TMPRSS2: variants seen among roughly 807,000 people sequenced by gnomAD.
TMPRSS2 encodes transmembrane protease serine 2.
In TMPRSS2, 59 loss-of-function variants were observed where a neutral mutation model predicts 67.4. The observed-to-expected ratio is 0.88, with a 90% confidence interval of 0.71 to 1.09. TMPRSS2 has a LOEUF of 1.09. Ranked by LOEUF, TMPRSS2 falls within the 50% of genes least tolerant of loss-of-function variation. TMPRSS2 has a pLI of 0.00. For missense variants in TMPRSS2, 668 were observed against 642.7 expected (o/e 1.04, Z -0.43); for synonymous variants, 257 against 257.0 (o/e 1.00, Z 0.00).
intron 9 of TMPRSS2, among the ~76,000 whole-genome samples, chr21:41,472,923 C>T (rs2091146971): frequency 6.6e-6 from 1 of 152,176 alleles, no homozygotes; most frequent in Non-Finnish European, 1.5e-5. Context: ...AACGCTTAAC[C>T]CCAGGGACCT....
chr21:41,471,810 G>GAA lies in TMPRSS2; in HGVS notation c.1069_1070dup (p.Asn358SerfsTer4), dbSNP rs751627256. ...CCAAGCCTGAGCCACACGTACCGTTGAAAGTCAGAGGCTTCTGCAGCTTCA... is the reference window on the plus strand; with the variant it reads ...CCAAGCCTGAGCCACACGTACCGTTGAAAAAGTCAGAGGCTTCTGCAGCTTCA... On this transcript the variant is annotated frameshift_variant, in exon 10 of 14. Coordinates refer to ENST00000332149, the MANE Select transcript of TMPRSS2 (RefSeq NM_005656.4). LOFTEE classifies it high-confidence loss of function. The GAA allele has an allele frequency of 2.5e-6, 4 of 1,597,544 alleles. No individual in the cohort carries two copies. In the African/African-American group the frequency reaches 5.4e-5, roughly 21 times the overall value.
intron 1 of TMPRSS2, chr21:41,506,696 C>G (rs955401288): frequency 6.6e-6 from 1 of 152,442 alleles, no homozygotes; most frequent in African/African-American, 2.4e-5. Context: ...TCAGGGGAGG[C>G]TGGCTGCATC....
Position 41,498,166 on chromosome 21 carries a change from G to C in TMPRSS2, c.-33C>G. The C allele has an allele frequency of 6.2e-7, 1 of 1,612,582 alleles. No individual in the cohort carries two copies. The highest frequency in any genetic ancestry group is 8.5e-7 in the Non-Finnish European group (1 of 1,178,892). ...TTATCAACAGCATCGAGTAATGATAGGTATCTGGAATGTTCAATATGACCT... is the reference window on the plus strand; with the variant it reads ...TTATCAACAGCATCGAGTAATGATACGTATCTGGAATGTTCAATATGACCT... On this transcript the variant is annotated 5_prime_UTR_variant, in exon 2 of 14. Coordinates refer to ENST00000332149, the MANE Select transcript of TMPRSS2 (RefSeq NM_005656.4).
intron 5 of TMPRSS2, among the ~76,000 whole-genome samples, chr21:41,485,492 T>C (rs915547857): frequency 1.3e-5 from 2 of 151,428 alleles, no homozygotes; most frequent in African/African-American, 4.9e-5. Flanking sequence ...CTACAAAAAA[T>C]ACAAAAATTA....
At chr21:41,501,500 T>C (rs573909495) in intron 1 of TMPRSS2, among the ~76,000 whole-genome samples, 6 of 150,626 alleles carry the variant, frequency 4.0e-5, no homozygotes, top group Admixed American at 2.0e-4. Context: ...TCCCAGCTAC[T>C]TGGGAGGCTG....
intron 2 of TMPRSS2, among the ~76,000 whole-genome samples, chr21:41,497,190 A>AT (rs1301350736): frequency 6.6e-6 from 1 of 152,160 alleles, no homozygotes; most frequent in African/African-American, 2.4e-5. Flanking sequence ...TTTGTACTCA[A>AT]TGGACAGGTG....
chr21:41,500,536 T>C (rs527964326), intron 1 of TMPRSS2, among the ~76,000 whole-genome samples: 1 of 152,314 alleles, frequency 6.6e-6, no homozygotes, highest in African/African-American at 2.4e-5. Flanking sequence ...CTGCCATGAA[T>C]GAAAATGAGT....
At chr21:41,494,756 A>G in intron 2 of TMPRSS2, 178 bp from the exon 3 acceptor site, 3 of 742,344 alleles carry the variant, frequency 4.0e-6, no homozygotes, top group Non-Finnish European at 6.9e-6. Flanking sequence ...GAGATTAATA[A>G]GAAAGTGACA....
Position 41,494,402 on chromosome 21 carries a change from G to T in TMPRSS2, c.192C>A (p.Val64=), listed in dbSNP as rs372804318. 1 of 1,611,150 alleles carries T rather than the reference G, an allele frequency of 6.2e-7. No individual in the cohort carries two copies. Among genetic ancestry groups the T allele is most frequent in the Non-Finnish European group, 8.5e-7 (1 of 1,179,270 alleles). ...ATGGGGATTTGGGCTGCGTGCAGACGACGGGGTTGGAAGCCTGCGTCAGGA... is the reference window on the plus strand; with the variant it reads ...ATGGGGATTTGGGCTGCGTGCAGACTACGGGGTTGGAAGCCTGCGTCAGGA... ...PRVLTQASNP[V]VCTQPKSPSG... Residue 64 remains valine, a synonymous_variant, in exon 3 of 14, where the codon GTC becomes GTA. Transcript: ENST00000332149.
intron 13 of TMPRSS2, among the ~76,000 whole-genome samples, chr21:41,466,996 C>A (rs2091090361): frequency 6.6e-6 from 1 of 152,178 alleles, no homozygotes; most frequent in Non-Finnish European, 1.5e-5. Flanking sequence ...CCTGGCTGCT[C>A]CTGCCCTTCC....
In TMPRSS2 at chr21:41,471,801, C is replaced by G. The variant is rs370927492; in HGVS notation, c.1075+5G>C. On this transcript the variant is annotated splice_donor_5th_base_variant and intron_variant, in intron 10 of 13. Coordinates refer to ENST00000332149, the MANE Select transcript of TMPRSS2 (RefSeq NM_005656.4). ...ACCTGCTTGCCAAGCCTGAGCCACA[C>G]GTACCGTTGAAAGTCAGAGGCTTCT... 1.3e-6 allele frequency: 2 copies of G among 1,592,638 alleles called. No individual in the cohort carries two copies. Among genetic ancestry groups the G allele is most frequent in the Non-Finnish European group, 1.7e-6 (2 of 1,165,196 alleles).
In TMPRSS2 at chr21:41,471,807, G is replaced by T; in HGVS notation, c.1074C>A (p.Asn358Lys). The T allele has an allele frequency of 6.3e-7, 1 of 1,596,454 alleles. No homozygotes were observed. Among genetic ancestry groups the T allele is most frequent in the Non-Finnish European group, 8.6e-7 (1 of 1,167,502 alleles). ...TTGCCAAGCCTGAGCCACACGTACC[G>T]TTGAAAGTCAGAGGCTTCTGCAGCT... Reference protein sequence around the residue: ...LMKLQKPLTFNDLVKPVCLPN... With the variant: ...LMKLQKPLTFKDLVKPVCLPN... Residue 358 changes from asparagine (N) to lysine (K), a missense_variant and splice_region_variant, in exon 10 of 14, where the codon AAC (asparagine) becomes AAA (lysine). Physicochemically the swap from Asn to Lys is moderately conservative, Grantham distance 94. Coordinates refer to ENST00000332149, the MANE Select transcript of TMPRSS2 (RefSeq NM_005656.4).
intron 5 of TMPRSS2, among the ~76,000 whole-genome samples, chr21:41,481,800 C>T (rs754211385): frequency 5.9e-5 from 9 of 152,100 alleles, no homozygotes; most frequent in South Asian, 2.1e-4. Context: ...TGGTAGCTCA[C>T]GCCTGTAATA....
intron 3 of TMPRSS2, among the ~76,000 whole-genome samples, chr21:41,492,905 G>C (rs1364722279): frequency 6.6e-6 from 1 of 152,232 alleles, no homozygotes; most frequent in Non-Finnish European, 1.5e-5. Flanking sequence ...CACACAGACA[G>C]TTCCTTATCC....
intron 5 of TMPRSS2, among the ~76,000 whole-genome samples, chr21:41,485,128 TG>T (rs1160761898): frequency 1.4e-5 from 2 of 147,658 alleles, no homozygotes; most frequent in Non-Finnish European, 3.0e-5. Context: ...CTGGGGTGTA[TG>T]GGGGGATGCG....
chr21:41,492,130 T>C (rs1601584655), intron 3 of TMPRSS2, among the ~76,000 whole-genome samples: 1 of 152,130 alleles, frequency 6.6e-6, no homozygotes, highest in Non-Finnish European at 1.5e-5. Context: ...GAGGCAGAGG[T>C]TGCAGTGAGC....
chr21:41,478,403 A>G lies in TMPRSS2; in HGVS notation c.683+769T>C, dbSNP rs568167564. On this transcript the variant is annotated intron_variant, in intron 7 of 13. Coordinates refer to ENST00000332149, the MANE Select transcript of TMPRSS2 (RefSeq NM_005656.4). The surrounding 1 kb of genome is among the most constrained non-coding windows in gnomAD (Gnocchi z 4.0). Reference sequence around the variant, plus strand: ...TAGACACCAGGCATAAGCCCTGGGGACCTGGGAGGCAAGGAGAGCTCATGG... The same window carrying G: ...TAGACACCAGGCATAAGCCCTGGGGGCCTGGGAGGCAAGGAGAGCTCATGG... 6.6e-6 allele frequency among the ~76,000 whole-genome samples: 1 copy of G among 152,322 alleles called. No homozygotes were observed. The highest frequency in any genetic ancestry group is 6.5e-5 in the Admixed American group (1 of 15,304).
intron 10 of TMPRSS2, 43 bp from the exon 11 acceptor site, chr21:41,470,786 C>CCTAAGGCCTCGGG (rs112132031): frequency 0.96 from 1,519,207 of 1,587,420 alleles, 732,643 homozygotes; most frequent in Non-Finnish European, 0.99. Context: ...GCGGGTATCA[C>CCTAAGGCCTCGGG]CTATGTCTCC....
At chr21:41,497,682 G>A (rs2091393786) in intron 2 of TMPRSS2, among the ~76,000 whole-genome samples, 1 of 152,194 alleles carries the variant, frequency 6.6e-6, no homozygotes, top group African/African-American at 2.4e-5. Flanking sequence ...GTCTCCAAAG[G>A]GAGTGGGCTC....
Sources: gnomAD v4.1 joint callset for allele counts (sites outside exome capture counted in the v4.1 genomes callset) on GRCh38, gnomAD v4.1.1 for gene constraint, Gnocchi (gnomAD v3.1) non-coding constraint, MANE v1.5 for transcripts, NCBI Gene and HGNC (gene_info 2026-07-23, HGNC 2026-07-21) for gene names.